Variants in SEMA6D observed in about 807,000 individuals in gnomAD.
SEMA6D encodes semaphorin 6D, also known as semaphorin-6D.
In SEMA6D, 35 loss-of-function variants were observed where a neutral mutation model predicts 106.6. The observed-to-expected ratio is 0.33, with a 90% CI of 0.25 to 0.44. The LOEUF is 0.44. SEMA6D is among the 20% of genes least tolerant of loss of function. The pLI is 1.00. For missense variants in SEMA6D, 1,185 were observed against 1,345.9 expected (o/e 0.88, Z 1.87); for synonymous variants, 499 against 487.7 (o/e 1.02, Z -0.31).
intron 2 of SEMA6D, among the ~76,000 whole-genome samples, chr15:47,420,383 C>A (rs949134950): frequency 6.6e-6 from 1 of 152,076 alleles, no homozygotes; most frequent in Non-Finnish European, 1.5e-5. Context: ...TCTTCCCCCT[C>A]CCCTAATTTT....
At chr15:47,441,587 A>T (rs1225554942) in intron 2 of SEMA6D, among the ~76,000 whole-genome samples, 1 of 152,148 alleles carries the variant, frequency 6.6e-6, no homozygotes, top group East Asian at 1.9e-4. Flanking sequence ...TCAGCCATAG[A>T]TGCTGCATAA....
intron 17 of SEMA6D, 136 bp downstream of exon 17, chr15:47,767,229 G>A: frequency 1.8e-6 from 1 of 560,746 alleles, no homozygotes. Flanking sequence ...CCCACTGATG[G>A]TACCAAAAGA....
intron 1 of SEMA6D, among the ~76,000 whole-genome samples, chr15:47,756,906 T>TTA (rs2081777353): frequency 6.6e-6 from 1 of 151,840 alleles, no homozygotes; most frequent in African/African-American, 2.4e-5. Context: ...ATTTTTTTTT[T>TTA]TTTTTTTTTC....
chr15:47,354,836 A>G (rs543909215), intron 1 of SEMA6D, among the ~76,000 whole-genome samples: 3 of 152,290 alleles, frequency 2.0e-5, no homozygotes, highest in African/African-American at 7.2e-5. Flanking sequence ...CAGGAAAAAA[A>G]GGTGACAAAA....
chr15:47,250,333 A>G (rs2033442638), intron 1 of SEMA6D, among the ~76,000 whole-genome samples: 1 of 151,858 alleles, frequency 6.6e-6, no homozygotes, highest in Non-Finnish European at 1.5e-5. Context: ...ATTAAAAGAG[A>G]GAGAGAGAGA....
intron 4 of SEMA6D, among the ~76,000 whole-genome samples, chr15:47,634,547 T>C (rs2077347740): frequency 2.0e-5 from 3 of 152,162 alleles, no homozygotes; most frequent in African/African-American, 2.4e-5. Context: ...CTCATTGATA[T>C]TAAGTGGGAG....
At chr15:47,325,468 G>A (rs1002879116) in intron 1 of SEMA6D, among the ~76,000 whole-genome samples, 2 of 151,356 alleles carry the variant, frequency 1.3e-5, no homozygotes, top group African/African-American at 4.9e-5. Context: ...CACCGCGCCC[G>A]GCAGGGTGAA....
At chr15:47,212,925 A>C (rs1299010092) in intron 1 of SEMA6D, among the ~76,000 whole-genome samples, 1 of 152,160 alleles carries the variant, frequency 6.6e-6, no homozygotes, top group East Asian at 1.9e-4. Flanking sequence ...TGCCTGGCAG[A>C]TAACACATAG....
At chr15:47,272,209 T>C (rs577559670) in intron 1 of SEMA6D, among the ~76,000 whole-genome samples, 1 of 152,208 alleles carries the variant, frequency 6.6e-6, no homozygotes, top group African/African-American at 2.4e-5. Flanking sequence ...AAATGAAAAT[T>C]TGGTAAGGAC....
chr15:47,351,014 A>G (rs1470621752), intron 1 of SEMA6D, among the ~76,000 whole-genome samples: 2 of 152,096 alleles, frequency 1.3e-5, no homozygotes, highest in African/African-American at 4.8e-5. Context: ...TGTTGGATTG[A>G]TATTAGCAGT....
chr15:47,666,494 G>A (rs2078029190), intron 4 of SEMA6D, among the ~76,000 whole-genome samples: 1 of 152,176 alleles, frequency 6.6e-6, no homozygotes, highest in Admixed American at 6.5e-5. Context: ...GCAACTAAGA[G>A]AATGCTTTCA....
intron 1 of SEMA6D, among the ~76,000 whole-genome samples, chr15:47,367,692 GCACACACACACACACACACA>G (rs72057750): frequency 2.7e-5 from 2 of 73,408 alleles, no homozygotes; most frequent in African/African-American, 4.1e-5. Flanking sequence ...GCGCGCGCGC[GCACACACACACACACACACA>G]CACACACACA....
chr15:47,366,563 CAG>C (rs1265131379), intron 1 of SEMA6D, among the ~76,000 whole-genome samples: 1 of 152,184 alleles, frequency 6.6e-6, no homozygotes, highest in Non-Finnish European at 1.5e-5. Flanking sequence ...AGTTGGGAAA[CAG>C]AGAAGAGAAC....
chr15:47,358,947 A>G (rs1332807134), intron 1 of SEMA6D, among the ~76,000 whole-genome samples: 1 of 152,206 alleles, frequency 6.6e-6, no homozygotes, highest in East Asian at 1.9e-4. Flanking sequence ...AGGGAGTCAC[A>G]GAACAGAAGA....
chr15:47,625,482 A>C (rs2077185710), intron 4 of SEMA6D, among the ~76,000 whole-genome samples: 1 of 152,170 alleles, frequency 6.6e-6, no homozygotes, highest in Non-Finnish European at 1.5e-5. Flanking sequence ...CATGCCTGTA[A>C]TCCCAGCACT....
At chr15:47,352,495 G>A (rs1211600007) in intron 1 of SEMA6D, among the ~76,000 whole-genome samples, 1 of 152,166 alleles carries the variant, frequency 6.6e-6, no homozygotes, top group African/African-American at 2.4e-5. Flanking sequence ...GAGAGGAAAT[G>A]CCCCATCAGA....
At chr15:47,371,813 A>G (rs1490588454) in intron 1 of SEMA6D, among the ~76,000 whole-genome samples, 1 of 152,166 alleles carries the variant, frequency 6.6e-6, no homozygotes, top group Non-Finnish European at 1.5e-5. Context: ...CATAGAAAAT[A>G]TTTATTGAGT....
chr15:47,686,257 AG>A (rs2145676339), intron 4 of SEMA6D, among the ~76,000 whole-genome samples: 2 of 152,308 alleles, frequency 1.3e-5, no homozygotes, highest in South Asian at 4.1e-4. Context: ...TAAGGCAAAA[AG>A]AAAAAAAAAA....
chr15:47,561,714 G>A (rs1179324346), intron 3 of SEMA6D, among the ~76,000 whole-genome samples: 1 of 150,826 alleles, frequency 6.6e-6, no homozygotes, highest in African/African-American at 2.4e-5. Flanking sequence ...TTCTATAAAT[G>A]TGTTTTTCAA....
Sources: gnomAD v4.1 joint callset for allele counts (sites outside exome capture counted in the v4.1 genomes callset) on GRCh38, gnomAD v4.1.1 for gene constraint, MANE v1.5 for transcripts, NCBI Gene and HGNC (gene_info 2026-07-23, HGNC 2026-07-21) for gene names.